The following NIM1K variants were observed in gnomAD, a reference collection of about 807,000 sequenced individuals.
NIM1K encodes serine/threonine-protein kinase NIM1.
In NIM1K, 35 loss-of-function variants were observed where a neutral mutation model predicts 37.1. The ratio of observed to expected loss-of-function variants is 0.94; its 90% confidence interval spans 0.72 to 1.25. The LOEUF is 1.25. Ranked by LOEUF, NIM1K falls within the 50% of genes most tolerant of loss-of-function variation. NIM1K has a pLI of 0.00. For missense variants in NIM1K, 564 were observed against 548.0 expected, an observed-to-expected ratio of 1.03 and a Z score of -0.29; for synonymous variants, 234 against 206.6, an observed-to-expected ratio of 1.13 and a Z score of -1.14.
chr5:43,232,790 G>C, intron 1 of NIM1K: 1 of 1,078,846 alleles, frequency 9.3e-7, no homozygotes, highest in East Asian at 2.4e-5. Flanking sequence ...TCCATGCACT[G>C]TTCAGCCAGT....
intron 1 of NIM1K, among the ~76,000 whole-genome samples, chr5:43,213,149 TTTTCTTTCTTTCTTTTTTTCTTTC>T (rs763854611): frequency 0.019 from 2,248 of 120,388 alleles, 63 homozygotes; most frequent in African/African-American, 0.025. Flanking sequence ...AAAATCTCCA[TTTTCTTTCTTTCTTTTTTTCTTTC>T]TTTCTTTCTT....
chr5:43,210,074 A>G (rs1038566067), intron 1 of NIM1K, among the ~76,000 whole-genome samples: 2 of 152,154 alleles, frequency 1.3e-5, no homozygotes, highest in Non-Finnish European at 2.9e-5. Flanking sequence ...CAGTAACTGA[A>G]ACACCAGACA....
At chr5:43,218,070 G>GC (rs554544096) in intron 1 of NIM1K, among the ~76,000 whole-genome samples, 129 of 151,756 alleles carry the variant, frequency 8.5e-4, no homozygotes, top group African/African-American at 3.0e-3. Context: ...GGAGTGCAGT[G>GC]GCTCCATCTG....
At chr5:43,223,859 A>AATGAAAGGC (rs1172555933) in intron 1 of NIM1K, among the ~76,000 whole-genome samples, 1 of 152,214 alleles carries the variant, frequency 6.6e-6, no homozygotes, top group Admixed American at 6.5e-5. Flanking sequence ...TGGGCTCAGG[A>AATGAAAGGC]ATCAAAGGCA....
At chr5:43,234,242 TTTCATTCA>T (rs56064948) in intron 1 of NIM1K, among the ~76,000 whole-genome samples, 24 of 151,258 alleles carry the variant, frequency 1.6e-4, no homozygotes, top group South Asian at 4.2e-4. Flanking sequence ...CGTGTCATTC[TTTCATTCA>T]TTCATTCATT....
intron 1 of NIM1K, among the ~76,000 whole-genome samples, chr5:43,200,023 GT>G (rs1423001255): frequency 6.6e-6 from 1 of 151,998 alleles, no homozygotes; most frequent in East Asian, 1.9e-4. Context: ...TTACAGGCAT[GT>G]GCCATCACGC....
intron 1 of NIM1K, among the ~76,000 whole-genome samples, chr5:43,239,481 G>A (rs1179855143): frequency 1.3e-5 from 2 of 151,374 alleles, no homozygotes; most frequent in Admixed American, 6.6e-5. Flanking sequence ...CTCATGATCC[G>A]CCTGCCTTGG....
chr5:43,214,567 G>C (rs1305980345), intron 1 of NIM1K, among the ~76,000 whole-genome samples: 1 of 150,910 alleles, frequency 6.6e-6, no homozygotes, highest in Admixed American at 6.6e-5. Context: ...TGTAATCCTA[G>C]CACTTTGGGA....
chr5:43,232,814 C>A, intron 1 of NIM1K: 1 of 1,052,936 alleles, frequency 9.5e-7, no homozygotes. Context: ...CAAATTTGGT[C>A]CAAAACGAGG....
intron 1 of NIM1K, among the ~76,000 whole-genome samples, chr5:43,204,695 G>T (rs1313809010): frequency 1.7e-5 from 2 of 121,032 alleles, no homozygotes; most frequent in South Asian, 2.8e-4. Context: ...ACAGAAAGAG[G>T]CTCTGTCTCA....
intron 1 of NIM1K, among the ~76,000 whole-genome samples, chr5:43,227,358 C>A (rs1352028467): frequency 4.0e-5 from 6 of 150,974 alleles, no homozygotes; most frequent in Non-Finnish European, 8.8e-5. Flanking sequence ...GACTCCGTTT[C>A]AAAAGAAAAA....
At chr5:43,230,978 C>G (rs1315494841) in intron 1 of NIM1K, among the ~76,000 whole-genome samples, 1 of 152,206 alleles carries the variant, frequency 6.6e-6, no homozygotes, top group Non-Finnish European at 1.5e-5. Context: ...CTAGAAGAGG[C>G]ATGAGCCTCT....
At chr5:43,267,472 G>A (rs1160335380) in intron 2 of NIM1K, among the ~76,000 whole-genome samples, 2 of 152,024 alleles carry the variant, frequency 1.3e-5, no homozygotes, top group African/African-American at 4.8e-5. Flanking sequence ...TCTGGTCTTT[G>A]TTGTTTCTTT....
At position 43,215,212 on chromosome 5, in the gene NIM1K, G is replaced by A. The variant is rs533088448; in HGVS notation, c.-695+22801G>A. On this transcript the variant is annotated intron_variant, in intron 1 of 3. Transcript: ENST00000326035. The stretch of plus-strand genomic sequence containing the variant: ...GAACAGTGTGTAATTCTCAGAAGTG[G>A]CTCCCAAAGCCCTCTGGCTCCCTGG... Among the ~76,000 whole-genome samples the A allele has an allele frequency of 5.9e-5, 9 of 152,294 alleles. No homozygotes were observed. In the East Asian group the frequency reaches 1.7e-3, roughly 29 times the overall value.
At chr5:43,262,998 C>G (rs1271873366) in intron 2 of NIM1K, among the ~76,000 whole-genome samples, 1 of 152,140 alleles carries the variant, frequency 6.6e-6, no homozygotes, top group Non-Finnish European at 1.5e-5. Context: ...TGATGTGCTG[C>G]TGGATTCAGT....
In NIM1K at chr5:43,213,193, C is replaced by T. The variant is rs868783878; in HGVS notation, c.-695+20782C>T. ...TCTTTCTTTCTTTCTTTCTTTCTTTCTTTCTTTCTTTCTTTCTTTCTTTCT... is the reference window on the plus strand; with the variant it reads ...TCTTTCTTTCTTTCTTTCTTTCTTTTTTTCTTTCTTTCTTTCTTTCTTTCT... On this transcript the variant is annotated intron_variant, in intron 1 of 3. Coordinates refer to ENST00000326035, the MANE Select transcript of NIM1K (RefSeq NM_153361.4). 4.9e-4 allele frequency among the ~76,000 whole-genome samples: 27 copies of T among 54,704 alleles called. 3 individuals carry two copies. Among genetic ancestry groups the T allele is most frequent in the African/African-American group, 1.4e-3 (25 of 17,300 alleles). The allele number at this position is 54,704 out of a possible 152,430, so 35.9% of individuals were successfully genotyped here. A position where few individuals can be genotyped will look rare whatever the true frequency, so the allele number is the denominator to read the frequency against.
chr5:43,208,064 CT>C (rs1308269799), intron 1 of NIM1K, among the ~76,000 whole-genome samples: 10 of 152,278 alleles, frequency 6.6e-5, no homozygotes, highest in Admixed American at 1.3e-4. Flanking sequence ...CTGACCCCCC[CT>C]GGAATGTGAT....
At chr5:43,258,822 C>T (rs1251011705) in intron 2 of NIM1K, among the ~76,000 whole-genome samples, 2 of 151,942 alleles carry the variant, frequency 1.3e-5, no homozygotes, top group Admixed American at 6.6e-5. Flanking sequence ...TTTTTGGTTA[C>T]AATGATGAAC....
At chr5:43,266,635 C>A (rs560000933) in intron 2 of NIM1K, among the ~76,000 whole-genome samples, 2 of 152,346 alleles carry the variant, frequency 1.3e-5, no homozygotes, top group African/African-American at 4.8e-5. Context: ...GTCCAACAAG[C>A]CCCAGTGCGA....
Sources: gnomAD v4.1 joint callset for allele counts (sites outside exome capture counted in the v4.1 genomes callset) on GRCh38, gnomAD v4.1.1 for gene constraint, MANE v1.5 for transcripts, NCBI Gene and HGNC (gene_info 2026-07-23, HGNC 2026-07-21) for gene names.